The following PDE7A variants were observed in gnomAD, a reference collection of about 807,000 sequenced individuals.
PDE7A encodes the protein high affinity 3',5'-cyclic-AMP phosphodiesterase 7A.
A neutral mutation model predicts 64.3 loss-of-function variants in PDE7A; 39 were observed. That is an observed-to-expected ratio of 0.61 (90% CI 0.47 to 0.79). PDE7A has a LOEUF of 0.79. PDE7A is among the 30% of genes least tolerant of loss of function. The probability of loss-of-function intolerance (pLI) is 0.00; values close to 1 mark genes in which losing one functional copy is unlikely to be tolerated. For synonymous variants in PDE7A, 203 were observed against 206.8 expected, an observed-to-expected ratio of 0.98 and a Z score of 0.16; for missense variants, 470 against 582.8, an observed-to-expected ratio of 0.81 and a Z score of 1.99.
At chr8:65,831,431 TC>T (rs1300832404) in intron 1 of PDE7A, among the ~76,000 whole-genome samples, 1 of 152,110 alleles carries the variant, frequency 6.6e-6, no homozygotes, top group East Asian at 1.9e-4. Context: ...ACTTTTTACC[TC>T]CCAAAGCAAA....
chr8:65,734,064 T>C (rs1807021708), intron 7 of PDE7A, among the ~76,000 whole-genome samples: 1 of 152,228 alleles, frequency 6.6e-6, no homozygotes, highest in Non-Finnish European at 1.5e-5. Flanking sequence ...GACTCTTTTA[T>C]GTAACTCTAT....
chr8:65,745,256 T>C (rs571337673), intron 5 of PDE7A, 151 bp downstream of exon 5: 2 of 637,224 alleles, frequency 3.1e-6, no homozygotes, highest in East Asian at 2.9e-5. Context: ...GGTATGTCTT[T>C]ATCAGCAGTG....
chr8:65,832,563 C>T (rs1366733604), intron 1 of PDE7A, among the ~76,000 whole-genome samples: 4 of 152,186 alleles, frequency 2.6e-5, no homozygotes, highest in Non-Finnish European at 5.9e-5. Context: ...CAATTCACTG[C>T]AGCCATGACC....
chr8:65,765,352 A>G (rs979281811), intron 3 of PDE7A, among the ~76,000 whole-genome samples: 32 of 149,860 alleles, frequency 2.1e-4, no homozygotes, highest in African/African-American at 7.5e-4. Flanking sequence ...AGCCGGGCGT[A>G]GTGGCGGGCG....
chr8:65,719,409 C>T lies in PDE7A; in HGVS notation c.1330G>A (p.Val444Met), dbSNP rs374376828. The T allele has an allele frequency of 2.1e-5, 34 of 1,613,870 alleles. No individual in the cohort carries two copies. In the Middle Eastern group the frequency reaches 8.2e-4, roughly 39 times the overall value. ...TTCCAGCTGGCTTTATTCAGCCCCA[C>T]GTGTCCAAGCATTGTCTGGGATAGC... ...TRLSQTMLGH[V>M]GLNKASWKGL... is the part of the protein sequence containing the mutation. Residue 444 changes from valine (V) to methionine (M), a missense_variant, in exon 13 of 13, where the codon GTG (valine) becomes ATG (methionine). Physicochemically the swap from Val to Met is conservative, Grantham distance 21. Transcript: ENST00000401827.
Position 65,841,536 on chromosome 8 carries a change from G to A in PDE7A, c.-28C>T, listed in dbSNP as rs1811088648. The A allele has an allele frequency of 7.1e-7, 1 of 1,411,214 alleles. No individual in the cohort carries two copies. Among genetic ancestry groups the A allele is most frequent in the Non-Finnish European group, 9.2e-7 (1 of 1,083,112 alleles). The allele number at this position is 1,411,214 out of a possible 1,614,324, so 87.4% of individuals were successfully genotyped here. A position where few individuals can be genotyped will look rare whatever the true frequency, so the allele number is the denominator to read the frequency against. On this transcript the variant is annotated 5_prime_UTR_variant, in exon 1 of 13. Coordinates refer to ENST00000401827, the MANE Select transcript of PDE7A (RefSeq NM_001242318.3). ...AATACGCCCGCCCTGCCTCCGCGCG[G>A]CGCCCGCCCTGCCGCGGCCGCCGGC...
chr8:65,722,717 A>G (rs1806436908), intron 12 of PDE7A: 1 of 152,238 alleles, frequency 6.6e-6, no homozygotes, highest in African/African-American at 2.4e-5. Flanking sequence ...TTTCTATAAT[A>G]CAGTTATTAG....
chr8:65,741,017 C>T (rs1359629488), intron 5 of PDE7A, among the ~76,000 whole-genome samples: 1 of 152,188 alleles, frequency 6.6e-6, no homozygotes, highest in Middle Eastern at 3.2e-3. Flanking sequence ...CAAGTGGAGT[C>T]ACACCAAGAA....
intron 1 of PDE7A, among the ~76,000 whole-genome samples, chr8:65,824,482 T>C (rs1810619228): frequency 6.6e-6 from 1 of 152,200 alleles, no homozygotes; most frequent in Admixed American, 6.5e-5. Context: ...GTTCTGCCTG[T>C]GGATAAAAAT....
chr8:65,835,620 A>G (rs1563525618), intron 1 of PDE7A, among the ~76,000 whole-genome samples: 1 of 152,204 alleles, frequency 6.6e-6, no homozygotes, highest in Non-Finnish European at 1.5e-5. Flanking sequence ...AAGAGAAAAG[A>G]AGAGAAGAGT....
intron 1 of PDE7A, among the ~76,000 whole-genome samples, chr8:65,832,206 T>C (rs1300360770): frequency 1.3e-5 from 2 of 152,212 alleles, no homozygotes; most frequent in Non-Finnish European, 1.5e-5. Context: ...CTAGAATCCA[T>C]TGAGCCATTT....
intron 1 of PDE7A, among the ~76,000 whole-genome samples, chr8:65,814,548 G>A (rs1353091791): frequency 4.2e-5 from 6 of 144,328 alleles, no homozygotes; most frequent in South Asian, 2.2e-4. Context: ...ACTTTCATAT[G>A]TGTATATATA....
chr8:65,803,304 C>G (rs1187633350), intron 1 of PDE7A, among the ~76,000 whole-genome samples: 1 of 152,280 alleles, frequency 6.6e-6, no homozygotes, highest in East Asian at 1.9e-4. Flanking sequence ...GCCAGCTTCT[C>G]TAAGTTACAG....
rs954571346 is a variant in PDE7A at position 65,792,999 on chromosome 8, TA to T, written c.139-10157del. On this transcript the variant is annotated intron_variant, in intron 1 of 12. Transcript: ENST00000401827. ...TGTGATTTCTCCTAGTATAAAGAAG[TA>T]AAAAAAAAAATCTTGACACTTTACC... Among the ~76,000 whole-genome samples the T allele has an allele frequency of 2.0e-4, 30 of 147,420 alleles. 1 individual carries two copies. The highest frequency in any genetic ancestry group is 1.2e-3 in the Admixed American group (18 of 14,796).
At chr8:65,769,125 G>A (rs2128919363) in intron 3 of PDE7A, among the ~76,000 whole-genome samples, 1 of 151,902 alleles carries the variant, frequency 6.6e-6, no homozygotes, top group East Asian at 1.9e-4. Flanking sequence ...GCAGGCGCCT[G>A]TAATCCCAGC....
intron 3 of PDE7A, among the ~76,000 whole-genome samples, chr8:65,759,796 G>A (rs1808406597): frequency 6.6e-6 from 1 of 151,906 alleles, no homozygotes; most frequent in Admixed American, 6.6e-5. Context: ...ATGGGGAAAG[G>A]TTGCATGTGA....
intron 1 of PDE7A, among the ~76,000 whole-genome samples, chr8:65,798,567 AG>A (rs1809917358): frequency 1.3e-5 from 2 of 152,154 alleles, no homozygotes; most frequent in African/African-American, 2.4e-5. Context: ...TACAAGCTAA[AG>A]ATTTAAACAG....
intron 1 of PDE7A, among the ~76,000 whole-genome samples, chr8:65,783,134 G>C (rs1264075768): frequency 1.3e-5 from 2 of 152,112 alleles, no homozygotes; most frequent in Non-Finnish European, 2.9e-5. Flanking sequence ...AAAGGTTTTG[G>C]GGTGACATCT....
At chr8:65,742,189 T>TA (rs1424490278) in intron 5 of PDE7A, among the ~76,000 whole-genome samples, 1 of 152,210 alleles carries the variant, frequency 6.6e-6, no homozygotes, top group Non-Finnish European at 1.5e-5. Flanking sequence ...GCTACCCACA[T>TA]AAAAATATAT....
Sources: allele counts gnomAD v4.1 joint callset (sites outside exome capture counted in the v4.1 genomes callset), GRCh38; gene constraint gnomAD v4.1.1; transcripts MANE v1.5; gene names NCBI Gene and HGNC (gene_info 2026-07-23, HGNC 2026-07-21).